CHPT1: variants seen among roughly 807,000 people sequenced by gnomAD.
CHPT1 encodes cholinephosphotransferase 1.
In CHPT1, 36 loss-of-function variants were observed where a neutral mutation model predicts 47.6. That is an observed-to-expected ratio of 0.76 (90% CI 0.58 to 1.00). CHPT1 has a LOEUF of 1.00. CHPT1 is among the 50% of genes least tolerant of loss of function. CHPT1 has a pLI of 0.00. For missense variants in CHPT1, 458 were observed against 498.1 expected, an observed-to-expected ratio of 0.92 and a Z score of 0.77; for synonymous variants, 194 against 186.3, an observed-to-expected ratio of 1.04 and a Z score of -0.33.
Position 101,697,707 on chromosome 12 carries a change from C to G in CHPT1, c.-155C>G. 1 of 182,598 alleles carries G rather than the reference C, an allele frequency of 5.5e-6. No homozygotes were observed. The highest frequency in any genetic ancestry group is 1.1e-5 in the Non-Finnish European group (1 of 92,790). 11.3% of individuals were successfully genotyped at this position (182,598 alleles called of 1,614,324 possible). On this transcript the variant is annotated 5_prime_UTR_variant, in exon 1 of 9. Transcript: ENST00000229266. ...GCTGGGGCCCCGGCAGCCGGGCAGG[C>G]CGGCCTGACCTCGACCTCCGCCGTG...
chr12:101,714,422 T>C (rs572616301), intron 2 of CHPT1, 82 bp from the exon 3 acceptor site: 172 of 1,254,320 alleles, frequency 1.4e-4, no homozygotes, highest in African/African-American at 1.3e-3. Context: ...TCCTTAGAGC[T>C]CTGTATTTCT....
chr12:101,711,879 C>G (rs1431995544), intron 1 of CHPT1, among the ~76,000 whole-genome samples: 4 of 148,646 alleles, frequency 2.7e-5, no homozygotes, highest in Non-Finnish European at 6.0e-5. Flanking sequence ...GGGATTCTTT[C>G]AAAAGATTCT....
chr12:101,698,359 C>T (rs1371251684), intron 1 of CHPT1, among the ~76,000 whole-genome samples: 1 of 152,224 alleles, frequency 6.6e-6, no homozygotes, highest in African/African-American at 2.4e-5. Context: ...AGCGGAGGGG[C>T]TGTTAAGGTC....
chr12:101,702,900 T>G (rs1037079286), intron 1 of CHPT1, among the ~76,000 whole-genome samples: 1 of 152,154 alleles, frequency 6.6e-6, no homozygotes, highest in Non-Finnish European at 1.5e-5. Context: ...ACTGTGAGAA[T>G]GAATGTCTCC....
In CHPT1 at chr12:101,708,659, G is replaced by GATACCC. The variant is rs1311488105; in HGVS notation, c.274-5431_274-5430insATACCC. ...GTCTCACTCTGTTGCCCCAGCTGGAGTGCAGTGGCTCACTTCAACCTCTGC... is the reference window on the plus strand; with the variant it reads ...GTCTCACTCTGTTGCCCCAGCTGGAGATACCCTGCAGTGGCTCACTTCAACCTCTGC... On this transcript the variant is annotated intron_variant, in intron 1 of 8. Coordinates refer to ENST00000229266, the MANE Select transcript of CHPT1 (RefSeq NM_020244.3). Among the ~76,000 whole-genome samples the GATACCC allele has an allele frequency of 6.5e-5, 8 of 123,656 alleles. 2 individuals are homozygous for GATACCC. The highest frequency in any genetic ancestry group is 2.5e-4 in the East Asian group (1 of 3,968). The allele number at this position is 123,656 out of a possible 152,430, so 81.1% of individuals were successfully genotyped here.
intron 6 of CHPT1, 73 bp from the exon 7 acceptor site, chr12:101,723,649 T>C (rs1951895185): frequency 8.6e-6 from 8 of 935,474 alleles, no homozygotes; most frequent in South Asian, 5.4e-5. Context: ...ATTAAAGTTA[T>C]AATTAATTCT....
At chr12:101,720,295 A>G (rs755962896) in intron 5 of CHPT1, 41 bp downstream of exon 5, 7 of 1,522,184 alleles carry the variant, frequency 4.6e-6, no homozygotes, top group Non-Finnish European at 5.4e-6. Context: ...ATTTTATGAT[A>G]CATTTTCTTA....
At chr12:101,708,833 G>A (rs117614405) in intron 1 of CHPT1, among the ~76,000 whole-genome samples, 2,188 of 148,502 alleles carry the variant, frequency 0.015, 261 homozygotes, top group Middle Eastern at 0.026. Context: ...CTGACCTCAA[G>A]TGATCAGCCC....
chr12:101,714,982 T>C (rs1951744263), intron 3 of CHPT1: 1 of 165,414 alleles, frequency 6.0e-6, no homozygotes, highest in African/African-American at 2.4e-5. Context: ...ATTCATATAA[T>C]AAAATAATGC....
At chr12:101,700,622 A>G (rs1429360185) in intron 1 of CHPT1, among the ~76,000 whole-genome samples, 1 of 152,218 alleles carries the variant, frequency 6.6e-6, no homozygotes, top group African/African-American at 2.4e-5. Context: ...ATTCAGATCT[A>G]AGTTGGTATG....
chr12:101,724,160 G>A (rs1036925075), intron 7 of CHPT1, among the ~76,000 whole-genome samples: 51 of 151,514 alleles, frequency 3.4e-4, no homozygotes, highest in Admixed American at 6.6e-4. Context: ...CAGAGGTTGC[G>A]GTGAGCCGAG....
At chr12:101,714,789 C>CCTAAAAGA in intron 3 of CHPT1, 144 bp downstream of exon 3, 7 of 696,072 alleles carry the variant, frequency 1.0e-5, no homozygotes, top group Non-Finnish European at 1.3e-5. Context: ...AAATGCTACA[C>CCTAAAAGA]CTTAAGTCTT....
intron 8 of CHPT1, chr12:101,728,599 C>T (rs936958973): frequency 3.8e-6 from 1 of 264,452 alleles, no homozygotes; most frequent in African/African-American, 2.2e-5. Flanking sequence ...ACCTTCTATA[C>T]TTGGTTTTCT....
chr12:101,705,916 G>A (rs1951625163), intron 1 of CHPT1, among the ~76,000 whole-genome samples: 1 of 151,446 alleles, frequency 6.6e-6, no homozygotes, highest in African/African-American at 2.4e-5. Context: ...AGTAGAGACG[G>A]GGTTTCACTA....
At chr12:101,703,005 G>T (rs1951575813) in intron 1 of CHPT1, among the ~76,000 whole-genome samples, 1 of 152,152 alleles carries the variant, frequency 6.6e-6, no homozygotes, top group East Asian at 1.9e-4. Flanking sequence ...AGCTTCCCTT[G>T]ATTCCTATGG....
At chr12:101,725,907 CAAA>C (rs1380931008) in intron 7 of CHPT1, among the ~76,000 whole-genome samples, 2 of 152,114 alleles carry the variant, frequency 1.3e-5, no homozygotes, top group East Asian at 3.8e-4. Flanking sequence ...CAACTAACCT[CAAA>C]GAAACAGAAA....
chr12:101,709,889 A>AGTCGG (rs1298333605), intron 1 of CHPT1, among the ~76,000 whole-genome samples: 4 of 148,868 alleles, frequency 2.7e-5, no homozygotes, highest in African/African-American at 9.7e-5. Context: ...TCGAAGGGCA[A>AGTCGG]GTCGGAAGAC....
In CHPT1 at chr12:101,709,415, A is replaced by C. The variant is rs1236565159; in HGVS notation, c.274-4675A>C. Among the ~76,000 whole-genome samples the C allele has an allele frequency of 1.4e-5, 2 of 144,738 alleles. 1 individual carries two copies. The highest frequency in any genetic ancestry group is 3.1e-5 in the Non-Finnish European group (2 of 65,322). The allele number at this position is 144,738 out of a possible 152,430, so 95.0% of individuals were successfully genotyped here. ...AAAAAAAAAAAAAAAAAAAAAGTCTAATCTATAATTGTACCATTTTTGGAA... is the reference window on the plus strand; with the variant it reads ...AAAAAAAAAAAAAAAAAAAAAGTCTCATCTATAATTGTACCATTTTTGGAA... On this transcript the variant is annotated intron_variant, in intron 1 of 8. Transcript: ENST00000229266.
At chr12:101,707,649 G>T (rs987682311) in intron 1 of CHPT1, among the ~76,000 whole-genome samples, 1 of 152,170 alleles carries the variant, frequency 6.6e-6, no homozygotes, top group African/African-American at 2.4e-5. Flanking sequence ...GCTTTAATCA[G>T]TTCAGCCTTA....
Sources: gnomAD v4.1 joint callset for allele counts (sites outside exome capture counted in the v4.1 genomes callset) on GRCh38, gnomAD v4.1.1 for gene constraint, MANE v1.5 for transcripts, NCBI Gene and HGNC (gene_info 2026-07-23, HGNC 2026-07-21) for gene names.